Variants in LRRC7 observed in about 807,000 individuals in gnomAD.
LRRC7 encodes leucine-rich repeat-containing protein 7.
In LRRC7, 23 loss-of-function variants were observed where a neutral mutation model predicts 175.7. The ratio of observed to expected loss-of-function variants is 0.13; its 90% CI spans 0.09 to 0.19. LRRC7 has a LOEUF of 0.19. Ranked by LOEUF, LRRC7 falls within the 10% of genes least tolerant of loss-of-function variation. The probability of loss-of-function intolerance (pLI) is 1.00; values close to 1 mark genes in which losing one functional copy is unlikely to be tolerated. For synonymous variants in LRRC7, 685 were observed against 680.9 expected (o/e 1.01, Z -0.09); for missense variants, 1,354 against 1,904.7 (o/e 0.71, Z 5.38).
intron 7 of LRRC7, among the ~76,000 whole-genome samples, chr1:69,928,013 C>T (rs1036478514): frequency 6.6e-6 from 1 of 152,088 alleles, no homozygotes; most frequent in African/African-American, 2.4e-5. Flanking sequence ...TCTTTGTTTT[C>T]CTTCTACCAG....
At chr1:69,833,781 T>G (rs1378665393) in intron 5 of LRRC7, among the ~76,000 whole-genome samples, 3 of 151,936 alleles carry the variant, frequency 2.0e-5, no homozygotes, top group South Asian at 2.1e-4. Context: ...GTGGAGGCCT[T>G]GGTGAGTGCA....
At chr1:69,600,150 A>G (rs1646997261) in intron 1 of LRRC7, among the ~76,000 whole-genome samples, 1 of 152,228 alleles carries the variant, frequency 6.6e-6, no homozygotes, top group Non-Finnish European at 1.5e-5. Flanking sequence ...GGGTGTTCCC[A>G]TATAACCCTA....
At chr1:69,726,824 C>G (rs534352654) in intron 2 of LRRC7, among the ~76,000 whole-genome samples, 3 of 151,728 alleles carry the variant, frequency 2.0e-5, no homozygotes, top group African/African-American at 7.2e-5. Context: ...AAATAAAAAA[C>G]TGCAAAGAAA....
chr1:69,607,563 C>T lies in LRRC7; in HGVS notation c.2+38922C>T, dbSNP rs554888545. 12 of 152,104 alleles carry T rather than the reference C, an allele frequency of 7.9e-5. No homozygotes were observed. The South Asian group carries it at 2.5e-3, about 32-fold the overall frequency. The allele number at this position is 152,104 out of a possible 1,614,324, so 9.4% of individuals were successfully genotyped here. On this transcript the variant is annotated intron_variant, in intron 1 of 26. Coordinates refer to ENST00000651989, the MANE Select transcript of LRRC7 (RefSeq NM_001370785.2). ...GCTTTAGCTTGTTCATATTTAGGAT[C>T]AAAAATGACTACTTTTGATTTATAA...
At chr1:69,588,675 T>G (rs999680486) in intron 1 of LRRC7, among the ~76,000 whole-genome samples, 3 of 152,126 alleles carry the variant, frequency 2.0e-5, no homozygotes, top group Non-Finnish European at 4.4e-5. Context: ...TTAATATCTA[T>G]CTCACCATTT....
Position 69,920,979 on chromosome 1 carries a change from C to T in LRRC7, c.648-10528C>T, listed in dbSNP as rs559947029. ...CCCCAACTATTCCCCAAGCCCCTTT[C>T]CCTGGAAGCACCTATTCAGTGGTAT... On this transcript the variant is annotated intron_variant, in intron 7 of 26. Transcript: ENST00000651989. 3.9e-5 allele frequency among the ~76,000 whole-genome samples: 6 copies of T among 152,258 alleles called. No individual in the cohort carries two copies. The South Asian group carries it at 1.2e-3, about 32-fold the overall frequency.
At chr1:69,717,790 G>GAAGAAAGAAAGAA (rs1665582274) in intron 2 of LRRC7, among the ~76,000 whole-genome samples, 1 of 19,824 alleles carries the variant, frequency 5.0e-5, no homozygotes, top group African/African-American at 2.9e-4. Flanking sequence ...AAGAAAGAAA[G>GAAGAAAGAAAGAA]AAAGAAAGAA....
chr1:70,009,041 A>G (rs1466640074), intron 11 of LRRC7, among the ~76,000 whole-genome samples: 8 of 152,176 alleles, frequency 5.3e-5, no homozygotes, highest in Non-Finnish European at 1.0e-4. Context: ...ATGTTCACAC[A>G]TTGGAATTGT....
chr1:69,587,104 GTATAA>G (rs1485169111), intron 1 of LRRC7, among the ~76,000 whole-genome samples: 2 of 152,080 alleles, frequency 1.3e-5, no homozygotes, highest in Non-Finnish European at 2.9e-5. Context: ...GTAAAATGTG[GTATAA>G]TATAACAGAG....
At chr1:69,809,289 A>G (rs1481787285) in intron 4 of LRRC7, among the ~76,000 whole-genome samples, 3 of 152,200 alleles carry the variant, frequency 2.0e-5, no homozygotes, top group Admixed American at 2.0e-4. Context: ...TTAATAGCCT[A>G]TCAACCGAAA....
chr1:69,645,442 T>G (rs80223537), intron 1 of LRRC7, among the ~76,000 whole-genome samples: 12,429 of 152,130 alleles, frequency 0.082, 790 homozygotes, highest in African/African-American at 0.18. Flanking sequence ...ATTTTGTGTG[T>G]TCTTTATGGA....
chr1:70,142,836 T>TGGTA lies in LRRC7; in HGVS notation c.*20953_*20956dup, dbSNP rs1667118667. On this transcript the variant is annotated 3_prime_UTR_variant, in exon 27 of 27. Transcript: ENST00000651989. The stretch of plus-strand genomic sequence containing the variant: ...CATAAGCAATTCTGAAGGAAGACAG[T>TGGTA]GGTAGGTTTTCAGATGGTTTGTTAA... 6.6e-6 allele frequency: 1 copy of TGGTA among 152,018 alleles called. No individual in the cohort carries two copies. Among genetic ancestry groups the TGGTA allele is most frequent in the East Asian group, 1.9e-4 (1 of 5,190 alleles). 9.4% of individuals were successfully genotyped at this position (152,018 alleles called of 1,614,324 possible).
chr1:70,086,727 A>G (rs1663639789), intron 24 of LRRC7, among the ~76,000 whole-genome samples: 1 of 152,104 alleles, frequency 6.6e-6, no homozygotes, highest in Admixed American at 6.6e-5. Context: ...AAACAGCAAC[A>G]CCTTATCTCA....
chr1:69,954,516 C>T (rs1258036383), intron 8 of LRRC7, among the ~76,000 whole-genome samples: 2 of 151,972 alleles, frequency 1.3e-5, no homozygotes, highest in African/African-American at 4.8e-5. Context: ...AATTAACTTG[C>T]CCAAGCATCT....
intron 1 of LRRC7, among the ~76,000 whole-genome samples, chr1:69,644,426 G>A (rs1359307477): frequency 6.6e-6 from 1 of 151,834 alleles, no homozygotes; most frequent in African/African-American, 2.4e-5. Flanking sequence ...TCTTTTTAAA[G>A]TCTTTGTCTT....
At chr1:69,716,107 A>G in intron 2 of LRRC7, 1 of 415,320 alleles carries the variant, frequency 2.4e-6, no homozygotes, top group Non-Finnish European at 4.4e-6. Context: ...AATTGCAGTT[A>G]ATTGAAATTT....
At chr1:69,949,485 A>C (rs1305804278) in intron 8 of LRRC7, among the ~76,000 whole-genome samples, 1 of 152,126 alleles carries the variant, frequency 6.6e-6, no homozygotes, top group Non-Finnish European at 1.5e-5. Flanking sequence ...TGGCCCTGGG[A>C]GGCAGAGGTT....
At chr1:69,703,723 CATATAGCATGTAT>C (rs1557623007) in intron 2 of LRRC7, among the ~76,000 whole-genome samples, 1 of 151,912 alleles carries the variant, frequency 6.6e-6, no homozygotes, top group African/African-American at 2.4e-5. Context: ...GGTGTGTGTA[CATATAGCATGTAT>C]ATGATGTTTA....
chr1:69,863,749 C>T (rs1380084409), intron 7 of LRRC7, among the ~76,000 whole-genome samples: 3 of 152,130 alleles, frequency 2.0e-5, no homozygotes, highest in African/African-American at 7.2e-5. Context: ...TTATCTCATG[C>T]CTCAACTGTT....
Sources: allele counts gnomAD v4.1 joint callset (sites outside exome capture counted in the v4.1 genomes callset), GRCh38; gene constraint gnomAD v4.1.1; transcripts MANE v1.5; gene names NCBI Gene and HGNC (gene_info 2026-07-23, HGNC 2026-07-21).